The following COMMD1 variants were observed in gnomAD, a reference collection of about 807,000 sequenced individuals.
COMMD1 encodes COMM domain-containing protein 1.
COMMD1 carries 10 observed loss-of-function variants against 17.2 expected under a neutral mutation model. The ratio of observed to expected loss-of-function variants is 0.58; its 90% confidence interval spans 0.36 to 0.99. The LOEUF (loss-of-function observed/expected upper bound fraction) is 0.99. Ranked by LOEUF, COMMD1 falls within the 50% of genes least tolerant of loss-of-function variation. COMMD1 has a pLI of 0.01. For synonymous variants in COMMD1, 97 were observed against 91.6 expected (o/e 1.06, Z -0.34); for missense variants, 270 against 231.8 (o/e 1.17, Z -1.07).
chr2:62,121,537 A>G (rs1672746584), intron 2 of COMMD1, among the ~76,000 whole-genome samples: 1 of 151,790 alleles, frequency 6.6e-6, no homozygotes, highest in Non-Finnish European at 1.5e-5. Context: ...CAGGAGTTCG[A>G]GACCAGCCTG....
chr2:62,003,517 G>A (rs1264103613), intron 2 of COMMD1, among the ~76,000 whole-genome samples: 2 of 151,148 alleles, frequency 1.3e-5, no homozygotes. Flanking sequence ...CTCCAGCCTG[G>A]GCGACAGAGT....
chr2:61,950,656 T>G (rs1250714075), intron 1 of COMMD1, among the ~76,000 whole-genome samples: 1 of 152,204 alleles, frequency 6.6e-6, no homozygotes, highest in Non-Finnish European at 1.5e-5. Flanking sequence ...TTTTGTGCTT[T>G]GGGAACATAA....
chr2:61,948,091 A>G (rs1670957969), intron 1 of COMMD1, among the ~76,000 whole-genome samples: 2 of 152,126 alleles, frequency 1.3e-5, no homozygotes, highest in Admixed American at 1.3e-4. Context: ...AACTCTGAAG[A>G]CATTGAAGAC....
At chr2:62,049,509 G>T (rs942157807) in intron 2 of COMMD1, among the ~76,000 whole-genome samples, 3 of 152,128 alleles carry the variant, frequency 2.0e-5, no homozygotes, top group Non-Finnish European at 4.4e-5. Context: ...AGAGGACAGG[G>T]ATGCTGCTAA....
In COMMD1 at chr2:61,919,409, G is replaced by C. The variant is rs149317367; in HGVS notation, c.180+13551G>C. Among the ~76,000 whole-genome samples, 677 of 151,930 alleles carry C rather than the reference G, an allele frequency of 4.5e-3. 3 individuals carry two copies. Among genetic ancestry groups the C allele is most frequent in the African/African-American group, 0.016 (643 of 41,442 alleles). ...CAGCTCACTGCAGCCTCTGCCGCCC[G>C]GGCTCAAGCGATCCTCCCACCTCAG... On this transcript the variant is annotated intron_variant, in intron 1 of 2. Transcript: ENST00000311832.
At chr2:62,046,563 G>C (rs1670388879) in intron 2 of COMMD1, among the ~76,000 whole-genome samples, 1 of 151,640 alleles carries the variant, frequency 6.6e-6, no homozygotes, top group Non-Finnish European at 1.5e-5. Flanking sequence ...TAAAATTAGA[G>C]TAGAACGTAC....
At position 62,136,058 on chromosome 2, in the gene COMMD1, C is replaced by T; in HGVS notation, c.*117C>T. On this transcript the variant is annotated 3_prime_UTR_variant, in exon 3 of 3. Coordinates refer to ENST00000311832, the MANE Select transcript of COMMD1 (RefSeq NM_152516.4). ...TTGGTATTAAATCCTCGCATTCAGT[C>T]TTCCTGCCTCTACTTGCTCAGATTT... 1.4e-6 allele frequency: 1 copy of T among 701,406 alleles called. No homozygotes were observed. The highest frequency in any genetic ancestry group is 2.6e-6 in the Non-Finnish European group (1 of 381,312). 43.4% of individuals were successfully genotyped at this position (701,406 alleles called of 1,614,324 possible). A position where few individuals can be genotyped will look rare whatever the true frequency, so the allele number is the denominator to read the frequency against.
At chr2:62,100,997 A>C (rs1672163651) in intron 2 of COMMD1, among the ~76,000 whole-genome samples, 1 of 152,058 alleles carries the variant, frequency 6.6e-6, no homozygotes, top group African/African-American at 2.4e-5. Context: ...TTGGAAAGTA[A>C]GTCATGACAT....
At chr2:61,994,713 C>T (rs1160925776) in intron 1 of COMMD1, among the ~76,000 whole-genome samples, 1 of 152,100 alleles carries the variant, frequency 6.6e-6, no homozygotes, top group African/African-American at 2.4e-5. Context: ...AGGGATATCA[C>T]CCCATTAAAA....
chr2:61,896,006 A>G (rs1248121271), intron 1 of COMMD1, among the ~76,000 whole-genome samples: 1 of 152,162 alleles, frequency 6.6e-6, no homozygotes, highest in Non-Finnish European at 1.5e-5. Context: ...GTGCCATCCC[A>G]TCAATTCAGG....
chr2:61,952,196 A>T (rs1343942394), intron 1 of COMMD1, among the ~76,000 whole-genome samples: 1 of 152,236 alleles, frequency 6.6e-6, no homozygotes, highest in Admixed American at 6.5e-5. Context: ...GAAAGCAAGG[A>T]TAATATTCCT....
chr2:62,043,304 C>G (rs1311948566), intron 2 of COMMD1, among the ~76,000 whole-genome samples: 1 of 152,186 alleles, frequency 6.6e-6, no homozygotes, highest in Non-Finnish European at 1.5e-5. Context: ...GACTTGAGTT[C>G]ATTGCTATTT....
intron 1 of COMMD1, among the ~76,000 whole-genome samples, chr2:61,912,847 G>T (rs1669944938): frequency 6.6e-6 from 1 of 152,180 alleles, no homozygotes; most frequent in South Asian, 2.1e-4. Flanking sequence ...TGTGATAGAG[G>T]TCATGTGACC....
intron 2 of COMMD1, among the ~76,000 whole-genome samples, chr2:62,110,188 GC>G (rs1672419664): frequency 6.6e-6 from 1 of 152,080 alleles, no homozygotes; most frequent in Non-Finnish European, 1.5e-5. Context: ...TCCCACCTCA[GC>G]CTCCTGAGTA....
chr2:61,972,789 TTATG>T (rs1477530902), intron 1 of COMMD1, among the ~76,000 whole-genome samples: 1 of 152,102 alleles, frequency 6.6e-6, no homozygotes, highest in Admixed American at 6.6e-5. Flanking sequence ...CACATATTTG[TTATG>T]TATGTGTTTT....
At chr2:62,042,595 C>G (rs368920267) in intron 2 of COMMD1, among the ~76,000 whole-genome samples, 1 of 152,130 alleles carries the variant, frequency 6.6e-6, no homozygotes, top group African/African-American at 2.4e-5. Context: ...GGCTCCCGCC[C>G]GTGCCTCTCC....
chr2:61,924,616 G>A (rs1214708639), intron 1 of COMMD1, among the ~76,000 whole-genome samples: 1 of 152,144 alleles, frequency 6.6e-6, no homozygotes, highest in Non-Finnish European at 1.5e-5. Flanking sequence ...GGGAAGGGCA[G>A]TTACAGTGAG....
At chr2:61,914,644 G>A (rs947711628) in intron 1 of COMMD1, among the ~76,000 whole-genome samples, 4 of 152,100 alleles carry the variant, frequency 2.6e-5, no homozygotes, top group African/African-American at 4.8e-5. Context: ...GTGGTTGGGC[G>A]AGGTGGCTCA....
chr2:61,949,970 C>T (rs899264554), intron 1 of COMMD1, among the ~76,000 whole-genome samples: 2 of 152,148 alleles, frequency 1.3e-5, no homozygotes. Flanking sequence ...GCCAAGGTCT[C>T]AGGACACAAA....
Sources: gnomAD v4.1 joint callset for allele counts (sites outside exome capture counted in the v4.1 genomes callset) on GRCh38, gnomAD v4.1.1 for gene constraint, MANE v1.5 for transcripts, NCBI Gene and HGNC (gene_info 2026-07-23, HGNC 2026-07-21) for gene names.